Variants in RASSF5 observed in about 807,000 individuals in gnomAD.
RASSF5 encodes Ras association domain family member 5, also known as ras association domain-containing protein 5.
In RASSF5, 25 loss-of-function variants were observed where a neutral mutation model predicts 40.5. That is an observed-to-expected ratio of 0.62 (90% CI 0.45 to 0.86). The LOEUF is 0.86. RASSF5 is among the 40% of genes least tolerant of loss of function. The pLI, the probability that RASSF5 is intolerant of heterozygous loss-of-function variation, is 0.00. For synonymous variants in RASSF5, 246 were observed against 252.4 expected, an observed-to-expected ratio of 0.97 and a Z score of 0.24; for missense variants, 521 against 572.8, an observed-to-expected ratio of 0.91 and a Z score of 0.92.
intron 2 of RASSF5, among the ~76,000 whole-genome samples, chr1:206,577,994 G>A (rs1193668604): frequency 6.6e-6 from 1 of 152,140 alleles, no homozygotes; most frequent in African/African-American, 2.4e-5. Flanking sequence ...AGGCTGAAGT[G>A]AGAGTATTGC....
Position 206,531,074 on chromosome 1 carries a change from T to G in RASSF5, c.458-7098T>G, listed in dbSNP as rs1480679852. 6.6e-6 allele frequency among the ~76,000 whole-genome samples: 1 copy of G among 152,214 alleles called. No homozygotes were observed. The highest frequency in any genetic ancestry group is 1.9e-4 in the East Asian group (1 of 5,200). ...TATTTACATAACATTCTCATTTGAT[T>G]CTCAACAACCGTACTGCTATCATCT... On this transcript the variant is annotated intron_variant, in intron 1 of 5. Transcript: ENST00000579436. This position sits in a 1 kb window ranked among gnomAD's most constrained non-coding sequence, Gnocchi z 4.7.
intron 1 of RASSF5, among the ~76,000 whole-genome samples, chr1:206,526,269 A>AGTGTGT (rs61263066): frequency 1.2e-4 from 17 of 143,026 alleles, no homozygotes; most frequent in East Asian, 4.2e-4. Flanking sequence ...GCTTTCTGGC[A>AGTGTGT]GTGTGTGTGT....
chr1:206,515,279 C>G (rs1666717491), intron 1 of RASSF5, among the ~76,000 whole-genome samples: 1 of 152,172 alleles, frequency 6.6e-6, no homozygotes. Flanking sequence ...AGCCAATTTT[C>G]AACAATCAGT....
chr1:206,581,757 G>A (rs1175010815), intron 2 of RASSF5, among the ~76,000 whole-genome samples: 1 of 152,192 alleles, frequency 6.6e-6, no homozygotes, highest in Non-Finnish European at 1.5e-5. Context: ...GGCAGCCAGA[G>A]CCTGACATTG....
At position 206,560,593 on chromosome 1, in the gene RASSF5, C is replaced by T. The variant is rs958163307; in HGVS notation, c.579+22300C>T. On this transcript the variant is annotated intron_variant, in intron 2 of 5. Coordinates refer to ENST00000579436, the MANE Select transcript of RASSF5 (RefSeq NM_182663.4). This position sits in a 1 kb window ranked among gnomAD's most constrained non-coding sequence, Gnocchi z 5.1. ...AGGCAGTACTCTCCTGGTACTTTCC[C>T]ACTTGGCTAGGCACAATTAGATCGT... is the stretch of plus-strand genomic sequence containing the variant. Among the ~76,000 whole-genome samples the T allele has an allele frequency of 7.2e-5, 11 of 152,214 alleles. No individual in the cohort carries two copies. The highest frequency in any genetic ancestry group is 2.7e-4 in the African/African-American group (11 of 41,452).
intron 2 of RASSF5, chr1:206,572,844 C>T: frequency 6.6e-6 from 1 of 151,862 alleles, no homozygotes; most frequent in East Asian, 1.9e-4. Flanking sequence ...GGGCCCTTGG[C>T]CCCAAAGACA....
At position 206,522,865 on chromosome 1, in the gene RASSF5, A is replaced by G. The variant is rs2103508462; in HGVS notation, c.457+14806A>G. Among the ~76,000 whole-genome samples, 2 of 152,318 alleles carry G rather than the reference A, an allele frequency of 1.3e-5. 1 individual carries two copies. The highest frequency in any genetic ancestry group is 4.1e-4 in the South Asian group (2 of 4,826). ...TAACATGTAGTCAAGCCAAAAATGA[A>G]TTAAAATTTAAAAAATTTAAAATGG... On this transcript the variant is annotated intron_variant, in intron 1 of 5. Transcript: ENST00000579436.
At chr1:206,534,729 G>C (rs1180967052) in intron 1 of RASSF5, among the ~76,000 whole-genome samples, 1 of 152,184 alleles carries the variant, frequency 6.6e-6, no homozygotes, top group Non-Finnish European at 1.5e-5. Flanking sequence ...CATCACATCT[G>C]CCCAGTGAGC....
chr1:206,570,877 G>A (rs75599683), intron 2 of RASSF5, among the ~76,000 whole-genome samples: 28 of 152,184 alleles, frequency 1.8e-4, no homozygotes, highest in East Asian at 1.4e-3. Context: ...GAATCGTGCC[G>A]CTGCAAACCT....
chr1:206,533,894 A>T (rs1259643385), intron 1 of RASSF5, among the ~76,000 whole-genome samples: 1 of 152,192 alleles, frequency 6.6e-6, no homozygotes, highest in African/African-American at 2.4e-5. Flanking sequence ...TGGTATTCTT[A>T]TAAGAAGACA....
intron 2 of RASSF5, chr1:206,557,209 A>G: frequency 9.5e-7 from 1 of 1,051,034 alleles, no homozygotes; most frequent in Non-Finnish European, 1.1e-6. Flanking sequence ...GAGGCGGGGG[A>G]GGTGCGGAGA....
chr1:206,527,446 C>G (rs1461468997), intron 1 of RASSF5, among the ~76,000 whole-genome samples: 1 of 152,114 alleles, frequency 6.6e-6, no homozygotes, highest in Non-Finnish European at 1.5e-5. Context: ...GTCCTGAGAG[C>G]TCAGGACAGG....
At chr1:206,541,374 G>A (rs1321034934) in intron 2 of RASSF5, among the ~76,000 whole-genome samples, 1 of 152,188 alleles carries the variant, frequency 6.6e-6, no homozygotes, top group Non-Finnish European at 1.5e-5. Context: ...CCAAGGTTCT[G>A]TCTTGTCTCT....
intron 1 of RASSF5, among the ~76,000 whole-genome samples, chr1:206,524,880 C>T (rs1012236242): frequency 7.3e-5 from 11 of 151,330 alleles, no homozygotes; most frequent in African/African-American, 2.4e-4. Flanking sequence ...CACTCACACA[C>T]ACACACATGC....
intron 2 of RASSF5, among the ~76,000 whole-genome samples, chr1:206,576,922 GC>G (rs1324052600): frequency 6.6e-6 from 1 of 151,958 alleles, no homozygotes; most frequent in Non-Finnish European, 1.5e-5. Flanking sequence ...TCCCACCTCA[GC>G]CTCCTGAGTA....
rs1553405836 is a variant in RASSF5 at position 206,579,554 on chromosome 1, G to A, written c.580-3715G>A. Among the ~76,000 whole-genome samples, 1 of 152,206 alleles carries A rather than the reference G, an allele frequency of 6.6e-6. No individual in the cohort carries two copies. The highest frequency in any genetic ancestry group is 1.5e-5 in the Non-Finnish European group (1 of 68,038). ...GTTTGTGTGTTTCTTGGCACCAAGTGTTAATTCAGCAGCTGGATGAAGACC... is the reference window on the plus strand; with the variant it reads ...GTTTGTGTGTTTCTTGGCACCAAGTATTAATTCAGCAGCTGGATGAAGACC... On this transcript the variant is annotated intron_variant, in intron 2 of 5. Transcript: ENST00000579436. This position sits in a 1 kb window ranked among gnomAD's most constrained non-coding sequence, Gnocchi z 4.2.
intron 2 of RASSF5, among the ~76,000 whole-genome samples, chr1:206,578,172 G>A (rs1329539612): frequency 2.0e-5 from 3 of 151,970 alleles, no homozygotes; most frequent in Admixed American, 1.3e-4. Context: ...GCTGCAGTGA[G>A]TTGTGATTGC....
At chr1:206,576,805 G>A (rs1474895847) in intron 2 of RASSF5, among the ~76,000 whole-genome samples, 1 of 152,038 alleles carries the variant, frequency 6.6e-6, no homozygotes, top group African/African-American at 2.4e-5. Context: ...CATAAATAAA[G>A]TTTGTTTTGT....
rs368031604 is a variant in RASSF5, at chr1:206,584,347, C to T, written c.691-40C>T. The T allele has an allele frequency of 6.9e-5, 108 of 1,566,516 alleles. No homozygotes were observed. Among genetic ancestry groups the T allele is most frequent in the Middle Eastern group, 6.9e-4 (4 of 5,812 alleles). ...GAGTGGCAGATATGATCATGCAAGG[C>T]GGACGGCCCTGACCCCCTGTGACAT... On this transcript the variant is annotated intron_variant, in intron 3 of 5. Transcript: ENST00000579436. This position sits in a 1 kb window ranked among gnomAD's most constrained non-coding sequence, Gnocchi z 4.9.
Sources: allele counts gnomAD v4.1 joint callset (sites outside exome capture counted in the v4.1 genomes callset), GRCh38; gene constraint gnomAD v4.1.1; non-coding constraint Gnocchi (gnomAD v3.1); transcripts MANE v1.5; gene names NCBI Gene and HGNC (gene_info 2026-07-23, HGNC 2026-07-21).